GALNT11: variants seen among roughly 807,000 people sequenced by gnomAD.
GALNT11 encodes UDP-GalNAc:polypeptide N-acetylgalactosaminyltransferase 11.
In GALNT11, 47 loss-of-function variants were observed where a neutral mutation model predicts 72.7. That is an observed-to-expected ratio of 0.65 (90% CI 0.51 to 0.82). The LOEUF is 0.82. GALNT11 is among the 40% of genes least tolerant of loss of function. GALNT11 has a pLI of 0.00. For missense variants in GALNT11, 677 were observed against 778.4 expected, an observed-to-expected ratio of 0.87 and a Z score of 1.55; for synonymous variants, 270 against 286.6, an observed-to-expected ratio of 0.94 and a Z score of 0.58.
intron 1 of GALNT11, among the ~76,000 whole-genome samples, chr7:152,084,460 T>A (rs7801076): frequency 1 from 151,248 of 151,638 alleles, 75,430 homozygotes; most frequent in Middle Eastern, 1. Flanking sequence ...CTCTTTTAAA[T>A]ATTTTCTCTC....
intron 9 of GALNT11, chr7:152,117,660 A>G (rs991508398): frequency 2.6e-6 from 1 of 379,106 alleles, no homozygotes; most frequent in African/African-American, 2.1e-5. Flanking sequence ...GACAGAGGCC[A>G]TGGAAGTGTC....
intron 5 of GALNT11, among the ~76,000 whole-genome samples, chr7:152,106,928 C>G (rs1044633016): frequency 6.6e-6 from 1 of 152,280 alleles, no homozygotes; most frequent in South Asian, 2.1e-4. Flanking sequence ...ACCTCACCCC[C>G]ACTGATGTGC....
chr7:152,078,997 G>T (rs903763443), intron 1 of GALNT11, among the ~76,000 whole-genome samples: 11 of 134,538 alleles, frequency 8.2e-5, no homozygotes, highest in Admixed American at 6.1e-4. Flanking sequence ...TGTCTCCCTT[G>T]CCGACTGGGA....
At chr7:152,041,001 C>G (rs1301523110) in intron 1 of GALNT11, among the ~76,000 whole-genome samples, 1 of 152,162 alleles carries the variant, frequency 6.6e-6, no homozygotes, top group Non-Finnish European at 1.5e-5. Flanking sequence ...CGATCTGTCC[C>G]CAGGTGGGTG....
intron 11 of GALNT11, 48 bp downstream of exon 11, chr7:152,121,016 G>C (rs746173575): frequency 6.3e-7 from 1 of 1,590,914 alleles, no homozygotes; most frequent in African/African-American, 1.4e-5. Context: ...GGCCCACAAG[G>C]TTGAGTGAGG....
At chr7:152,107,955 A>G in intron 5 of GALNT11, 83 bp from the exon 6 acceptor site, 1 of 1,488,360 alleles carries the variant, frequency 6.7e-7, no homozygotes, top group Non-Finnish European at 9.1e-7. Context: ...ATGCTGTGTC[A>G]GCGCGTCATC....
At chr7:152,079,933 G>T (rs1180358597) in intron 1 of GALNT11, among the ~76,000 whole-genome samples, 1 of 152,154 alleles carries the variant, frequency 6.6e-6, no homozygotes, top group Non-Finnish European at 1.5e-5. Flanking sequence ...CAAGAAAATA[G>T]CTGGAAACTA....
At chr7:152,033,062 G>A (rs2082381079) in intron 1 of GALNT11, among the ~76,000 whole-genome samples, 1 of 152,154 alleles carries the variant, frequency 6.6e-6, no homozygotes, top group African/African-American at 2.4e-5. Flanking sequence ...ATGTACCCGG[G>A]GCTCAGTGAG....
At chr7:152,034,776 C>T (rs2082478839) in intron 1 of GALNT11, among the ~76,000 whole-genome samples, 1 of 152,184 alleles carries the variant, frequency 6.6e-6, no homozygotes, top group Admixed American at 6.5e-5. Flanking sequence ...AGCAGAAACA[C>T]TAGTTTTCCT....
intron 6 of GALNT11, among the ~76,000 whole-genome samples, chr7:152,109,043 ATT>A (rs1445667510): frequency 3.3e-5 from 5 of 152,206 alleles, no homozygotes; most frequent in Admixed American, 6.5e-5. Flanking sequence ...AATATTGTAT[ATT>A]GTTATATAAT....
At chr7:152,102,312 G>A (rs1438490094) in intron 3 of GALNT11, among the ~76,000 whole-genome samples, 3 of 152,142 alleles carry the variant, frequency 2.0e-5, no homozygotes, top group Admixed American at 6.6e-5. Flanking sequence ...GGGAGGGCGC[G>A]GTGGGTGGAT....
chr7:152,116,839 T>C, intron 8 of GALNT11: 1 of 495,934 alleles, frequency 2.0e-6, no homozygotes, highest in Non-Finnish European at 3.9e-6. Context: ...AGTATTTAAT[T>C]ATTTTAAGGA....
chr7:152,102,212 C>T (rs762778725), intron 3 of GALNT11, among the ~76,000 whole-genome samples: 3 of 152,076 alleles, frequency 2.0e-5, no homozygotes, highest in Non-Finnish European at 4.4e-5. Flanking sequence ...TTTATGTACC[C>T]TCTCTTCCAA....
chr7:152,106,190 G>T (rs1386497588), intron 5 of GALNT11, among the ~76,000 whole-genome samples: 3 of 152,184 alleles, frequency 2.0e-5, no homozygotes, highest in Non-Finnish European at 4.4e-5. Flanking sequence ...CATGGACATG[G>T]CGAAAAAATT....
chr7:152,118,097 C>T (rs1312709751), intron 9 of GALNT11: 1 of 152,946 alleles, frequency 6.5e-6, no homozygotes, highest in Non-Finnish European at 1.5e-5. Context: ...GAGCTTTCCC[C>T]CTTCCTCTTC....
At chr7:152,087,966 C>G (rs768431566) in intron 1 of GALNT11, among the ~76,000 whole-genome samples, 25 of 152,290 alleles carry the variant, frequency 1.6e-4, no homozygotes, top group Non-Finnish European at 3.1e-4. Flanking sequence ...GATTAGAATT[C>G]AGTCTTATCT....
chr7:152,065,751 C>T (rs1414449240), intron 1 of GALNT11, among the ~76,000 whole-genome samples: 2 of 152,212 alleles, frequency 1.3e-5, no homozygotes, highest in Admixed American at 6.5e-5. Flanking sequence ...GGCTGCAGAA[C>T]AGCAAATATT....
chr7:152,047,753 A>AGATTGGTTGCTGATGCCTTATT (rs1563045836), intron 1 of GALNT11, among the ~76,000 whole-genome samples: 1 of 151,944 alleles, frequency 6.6e-6, no homozygotes, highest in African/African-American at 2.4e-5. Context: ...AAATAAGTAA[A>AGATTGGTTGCTGATGCCTTATT]TAAATATATT....
At chr7:152,037,757 G>C (rs961277314) in intron 1 of GALNT11, among the ~76,000 whole-genome samples, 16 of 151,692 alleles carry the variant, frequency 1.1e-4, no homozygotes, top group Middle Eastern at 3.4e-3. Flanking sequence ...TTTTGTGCGT[G>C]CATGTCTTCA....
Sources: allele counts gnomAD v4.1 joint callset (sites outside exome capture counted in the v4.1 genomes callset), GRCh38; gene constraint gnomAD v4.1.1; transcripts MANE v1.5; gene names NCBI Gene and HGNC (gene_info 2026-07-23, HGNC 2026-07-21).